ADGRD1: variants seen among roughly 807,000 people sequenced by gnomAD.
The protein encoded by ADGRD1 is adhesion G protein-coupled receptor D1.
A neutral mutation model predicts 113.4 loss-of-function variants in ADGRD1; 77 were observed. That is an observed-to-expected ratio of 0.68 (90% CI 0.57 to 0.82). The LOEUF (loss-of-function observed/expected upper bound fraction) is 0.82. Ranked by LOEUF, ADGRD1 falls within the 40% of genes least tolerant of loss-of-function variation. The probability of loss-of-function intolerance (pLI) is 0.00; values close to 1 mark genes in which losing one functional copy is unlikely to be tolerated. For missense variants in ADGRD1, 1,036 were observed against 1,139.1 expected (o/e 0.91, Z 1.30); for synonymous variants, 474 against 475.0 (o/e 1.00, Z 0.03).
At chr12:131,005,261 C>T (rs565562279) in intron 11 of ADGRD1, among the ~76,000 whole-genome samples, 22 of 152,266 alleles carry the variant, frequency 1.4e-4, no homozygotes, top group Non-Finnish European at 2.1e-4. Context: ...GGCCCAGGGA[C>T]GATGCCACCT....
chr12:131,098,683 C>T (rs934150481), intron 15 of ADGRD1, among the ~76,000 whole-genome samples: 1 of 152,200 alleles, frequency 6.6e-6, no homozygotes, highest in Non-Finnish European at 1.5e-5. Context: ...CACCATCCCT[C>T]TTCCCTCTGC....
intron 23 of ADGRD1, chr12:131,137,248 C>T (rs77701877): frequency 5.4e-5 from 32 of 588,996 alleles, no homozygotes; most frequent in East Asian, 3.2e-4. Flanking sequence ...GGAGAATTGG[C>T]GACTGCATCT....
chr12:130,996,479 C>T, intron 8 of ADGRD1, among the ~76,000 whole-genome samples: 1 of 116,616 alleles, frequency 8.6e-6, no homozygotes, highest in East Asian at 2.4e-4. Flanking sequence ...GTAGGGGCGG[C>T]CGGGCAGAGG....
chr12:131,032,119 T>A (rs904863613), intron 13 of ADGRD1, among the ~76,000 whole-genome samples: 1 of 152,132 alleles, frequency 6.6e-6, no homozygotes, highest in African/African-American at 2.4e-5. Context: ...TCTCCAAGTG[T>A]CAGGCACCAG....
At chr12:131,104,363 G>A (rs1031944466) in intron 15 of ADGRD1, among the ~76,000 whole-genome samples, 7 of 152,236 alleles carry the variant, frequency 4.6e-5, no homozygotes, top group Non-Finnish European at 8.8e-5. Flanking sequence ...AATTCATGGA[G>A]TCCTTGCGGC....
intron 6 of ADGRD1, chr12:130,990,180 G>A (rs1874205742): frequency 6.6e-6 from 1 of 152,180 alleles, no homozygotes; most frequent in Non-Finnish European, 1.5e-5. Context: ...GAACAGAGCG[G>A]TTCTGGGGTC....
chr12:131,100,071 T>C (rs531585121), intron 15 of ADGRD1, among the ~76,000 whole-genome samples: 17 of 152,180 alleles, frequency 1.1e-4, no homozygotes, highest in Admixed American at 1.1e-3. Context: ...TGATGATGGG[T>C]TGGTTGATGA....
chr12:130,985,619 C>T (rs369249042), intron 5 of ADGRD1, among the ~76,000 whole-genome samples: 19 of 151,404 alleles, frequency 1.3e-4, no homozygotes, highest in Admixed American at 5.3e-4. Flanking sequence ...GGGGCGATCT[C>T]GGCTCACTGC....
chr12:131,074,605 C>T (rs1174568043), intron 13 of ADGRD1, among the ~76,000 whole-genome samples: 1 of 152,226 alleles, frequency 6.6e-6, no homozygotes, highest in Non-Finnish European at 1.5e-5. Context: ...CACCACCACA[C>T]TCCCATATCA....
intron 3 of ADGRD1, chr12:130,967,147 A>C: frequency 2.4e-6 from 1 of 420,290 alleles, no homozygotes; most frequent in South Asian, 1.6e-5. Flanking sequence ...GCAGATGTCA[A>C]AGGTCATGCC....
chr12:131,136,928 C>A, intron 22 of ADGRD1, 45 bp from the exon 23 acceptor site: 1 of 1,499,436 alleles, frequency 6.7e-7, no homozygotes, highest in Non-Finnish European at 9.3e-7. Flanking sequence ...TTCCTAACTA[C>A]GTGCAAAGGG....
chr12:130,964,185 G>A (rs974897808), intron 2 of ADGRD1, among the ~76,000 whole-genome samples: 4 of 151,704 alleles, frequency 2.6e-5, no homozygotes, highest in Non-Finnish European at 5.9e-5. Context: ...GTACCCTTCT[G>A]TAATATGTAT....
intron 17 of ADGRD1, among the ~76,000 whole-genome samples, chr12:131,108,455 G>A (rs138859413): frequency 0.012 from 1,790 of 152,284 alleles, 7 homozygotes; most frequent in Non-Finnish European, 0.018. Flanking sequence ...GGAATGGATA[G>A]TTTTGCTGAT....
intron 13 of ADGRD1, among the ~76,000 whole-genome samples, chr12:131,034,498 T>G (rs1275705984): frequency 6.6e-6 from 1 of 152,180 alleles, no homozygotes; most frequent in African/African-American, 2.4e-5. Context: ...CTTCTTTGTC[T>G]CCTTCACTAG....
rs1255403172 is a variant in ADGRD1, at chr12:131,050,987, G to A, written c.1474-25814G>A. ...TCCTAACAGGCCACGGGCTGGTCCC[G>A]GTTCACGGCCCGGGTGTTGGGAACC... On this transcript the variant is annotated intron_variant, in intron 13 of 24. Coordinates refer to ENST00000261654, the MANE Select transcript of ADGRD1 (RefSeq NM_198827.5). This position sits in a 1 kb window ranked among gnomAD's most constrained non-coding sequence, Gnocchi z 4.8. Among the ~76,000 whole-genome samples the A allele has an allele frequency of 1.3e-5, 2 of 152,196 alleles. No individual in the cohort carries two copies. Among genetic ancestry groups the A allele is most frequent in the Non-Finnish European group, 1.5e-5 (1 of 68,040 alleles).
chr12:131,005,904 G>A, intron 11 of ADGRD1, 68 bp from the exon 12 acceptor site: 2 of 1,224,850 alleles, frequency 1.6e-6, no homozygotes, highest in Non-Finnish European at 2.4e-6. Flanking sequence ...GCGGGGCGTG[G>A]GGCTTTGTGT....
chr12:131,111,924 C>T (rs991398141), intron 18 of ADGRD1, among the ~76,000 whole-genome samples: 14 of 151,656 alleles, frequency 9.2e-5, no homozygotes, highest in Admixed American at 8.5e-4. Context: ...TTGATAAATA[C>T]GACAACTGAG....
chr12:131,048,616 T>G (rs1258018853), intron 13 of ADGRD1, among the ~76,000 whole-genome samples: 3 of 152,218 alleles, frequency 2.0e-5, no homozygotes, highest in Non-Finnish European at 4.4e-5. Context: ...CCAGCTGACG[T>G]GCAGATCAGT....
rs1883308133 is a variant in ADGRD1 at position 131,050,876 on chromosome 12, G to A, written c.1474-25925G>A. ...TCACGGTCGGTTTGCATTCCTATGA[G>A]AATCAAACGCCCGGCTGATCTGATA... is the stretch of plus-strand genomic sequence containing the variant. On this transcript the variant is annotated intron_variant, in intron 13 of 24. Transcript: ENST00000261654. This position sits in a 1 kb window ranked among gnomAD's most constrained non-coding sequence, Gnocchi z 4.8. 6.6e-6 allele frequency among the ~76,000 whole-genome samples: 1 copy of A among 152,104 alleles called. No homozygotes were observed. The highest frequency in any genetic ancestry group is 1.5e-5 in the Non-Finnish European group (1 of 68,030).
Sources: gnomAD v4.1 joint callset for allele counts (sites outside exome capture counted in the v4.1 genomes callset) on GRCh38, gnomAD v4.1.1 for gene constraint, Gnocchi (gnomAD v3.1) non-coding constraint, MANE v1.5 for transcripts, NCBI Gene and HGNC (gene_info 2026-07-23, HGNC 2026-07-21) for gene names.